Variants in PABPC1L observed in about 807,000 individuals in gnomAD.
PABPC1L encodes the protein polyadenylate-binding protein 1-like.
A neutral mutation model predicts 66.6 loss-of-function variants in PABPC1L; 31 were observed. The ratio of observed to expected loss-of-function variants is 0.47; its 90% CI spans 0.35 to 0.63. The LOEUF (loss-of-function observed/expected upper bound fraction) is 0.63, where lower values mean the gene tolerates loss of function less well. PABPC1L is among the 20% of genes least tolerant of loss of function. The pLI, the probability that PABPC1L is intolerant of heterozygous loss-of-function variation, is 0.00. For missense variants in PABPC1L, 722 were observed against 848.8 expected, an observed-to-expected ratio of 0.85 and a Z score of 1.86; for synonymous variants, 348 against 335.1, an observed-to-expected ratio of 1.04 and a Z score of -0.42.
intron 2 of PABPC1L, among the ~76,000 whole-genome samples, chr20:44,915,518 C>CG (rs2066732170): frequency 6.6e-6 from 1 of 152,050 alleles, no homozygotes; most frequent in Non-Finnish European, 1.5e-5. Context: ...AAAATTGAGG[C>CG]GGGGTGCAGT....
chr20:44,936,990 C>A, intron 12 of PABPC1L: 1 of 588,998 alleles, frequency 1.7e-6, no homozygotes, highest in South Asian at 1.5e-5. Flanking sequence ...GGGAGACAGT[C>A]CAGATGTGGG....
chr20:44,915,314 G>A (rs970218448), intron 2 of PABPC1L, among the ~76,000 whole-genome samples: 27 of 152,204 alleles, frequency 1.8e-4, no homozygotes, highest in African/African-American at 6.3e-4. Context: ...CACTAGCTGA[G>A]CTGAGCCTGT....
intron 5 of PABPC1L, among the ~76,000 whole-genome samples, chr20:44,921,055 CA>C (rs1241840999): frequency 1.3e-5 from 2 of 151,950 alleles, no homozygotes; most frequent in Non-Finnish European, 2.9e-5. Context: ...TCAAGTGATC[CA>C]ACCGCCTTGG....
chr20:44,910,434 T>C lies in PABPC1L; in HGVS notation c.193+98T>C, dbSNP rs1329624103. The C allele has an allele frequency of 3.0e-6, 4 of 1,318,514 alleles. No individual in the cohort carries two copies. The East Asian group carries it at 1.1e-4, about 36-fold the overall frequency. 81.7% of individuals were successfully genotyped at this position (1,318,514 alleles called of 1,614,324 possible). ...GGCCGCTTGCGCTTTCATCTTACAC[T>C]TTGCAGCCGGGGAAACTGAGGCTCA... On this transcript the variant is annotated intron_variant, in intron 1 of 14. Transcript: ENST00000217073.
rs1430977020 is a variant in PABPC1L, at chr20:44,916,747, G to A, written c.388-9G>A. The A allele has an allele frequency of 4.3e-6, 7 of 1,613,920 alleles. No individual in the cohort carries two copies. The Admixed American group carries it at 8.3e-5, about 19-fold the overall frequency. ...AGTACTCTTCCTGTCCTTCCTCCCT[G>A]TGGCCCAGGTGGCGTGTGACGAGCA... On this transcript the variant is annotated splice_polypyrimidine_tract_variant and intron_variant, in intron 2 of 14. Transcript: ENST00000217073.
chr20:44,939,101 C>A, intron 14 of PABPC1L, 25 bp from the exon 15 acceptor site: 1 of 717,694 alleles, frequency 1.4e-6, no homozygotes, highest in Non-Finnish European at 2.6e-6. Flanking sequence ...TTTAAAAACA[C>A]TTATTTTTAC....
chr20:44,937,095 C>T lies in PABPC1L; in HGVS notation c.1660+365C>T, dbSNP rs1601128463. ...GGGGGTTAAAGTTCCTCACACCTCT[C>T]CTGAACGGGAGGAAGCTGCTGTTCA... On this transcript the variant is annotated intron_variant, in intron 12 of 14. Coordinates refer to ENST00000217073, the MANE Select transcript of PABPC1L (RefSeq NM_001372179.1). The T allele has an allele frequency of 6.9e-6, 3 of 434,204 alleles. No individual in the cohort carries two copies. In the East Asian group the frequency reaches 2.0e-4, roughly 29 times the overall value. 26.9% of individuals were successfully genotyped at this position (434,204 alleles called of 1,614,324 possible). A position where few individuals can be genotyped will look rare whatever the true frequency, so the allele number is the denominator to read the frequency against.
intron 14 of PABPC1L, among the ~76,000 whole-genome samples, 153 bp downstream of exon 14, chr20:44,938,901 G>A (rs1025655824): frequency 1.3e-5 from 2 of 152,250 alleles, no homozygotes; most frequent in African/African-American, 4.8e-5. Context: ...AATCAGAGGA[G>A]ATGATTAACT....
In PABPC1L at chr20:44,933,158, C is replaced by T. The variant is rs749576160; in HGVS notation, c.1432C>T (p.Arg478Cys). Residue 478 changes from arginine to cysteine, a missense_variant, in exon 10 of 15, where the codon CGC (arginine) becomes TGC (cysteine). Physicochemically the swap from Arg to Cys is radical, Grantham distance 180. Coordinates refer to ENST00000217073, the MANE Select transcript of PABPC1L (RefSeq NM_001372179.1). ...CAGGCAGGCCTCCACCCAGGTGCCA[C>T]GCACGGTGCCTCATACCCAGAGAGT... Reference protein sequence around the residue: ...SVRQASTQVPRTVPHTQRVAN... With the variant: ...SVRQASTQVPCTVPHTQRVAN... The T allele has an allele frequency of 3.9e-5, 63 of 1,608,608 alleles. No homozygotes were observed. The highest frequency in any genetic ancestry group is 1.8e-4 in the East Asian group (8 of 44,732).
Position 44,910,092 on chromosome 20 carries a change from T to C in PABPC1L, c.-52T>C, listed in dbSNP as rs2072727. The C allele has an allele frequency of 0.56, 823,000 of 1,470,134 alleles. 233,653 individuals carry two copies. The highest frequency in any genetic ancestry group is 0.72 in the African/African-American group (49,711 of 69,324). The allele number at this position is 1,470,134 out of a possible 1,614,324, so 91.1% of individuals were successfully genotyped here. On this transcript the variant is annotated 5_prime_UTR_variant, in exon 1 of 15. Transcript: ENST00000217073. ...GCTTCCGCCCGGGTGAGCGCGGGGC[T>C]GCTGGGTGACCCGGCTCCTGCTTGC...
Position 44,938,042 on chromosome 20 carries a change from TAGA to T in PABPC1L, c.1661-16_1661-14del, listed in dbSNP as rs2066914903. 6.2e-7 allele frequency: 1 copy of T among 1,613,888 alleles called. No homozygotes were observed. Among genetic ancestry groups the T allele is most frequent in the Admixed American group, 1.7e-5 (1 of 59,978 alleles). ...GTGAGCTAGGCCGTGCACAAGCCAT[TAGA>T]AGGTGTTCCACACAGGGGAGCGTCT... is the stretch of plus-strand genomic sequence containing the variant. On this transcript the variant is annotated splice_polypyrimidine_tract_variant and intron_variant, in intron 12 of 14. Transcript: ENST00000217073.
intron 6 of PABPC1L, among the ~76,000 whole-genome samples, chr20:44,923,339 G>A (rs376060024): frequency 1.8e-4 from 28 of 152,224 alleles, no homozygotes; most frequent in African/African-American, 6.3e-4. Flanking sequence ...AAATCAAAAC[G>A]TGGCCTGTCG....
At chr20:44,910,448 A>G in intron 1 of PABPC1L, 112 bp downstream of exon 1, 1 of 1,228,756 alleles carries the variant, frequency 8.1e-7, no homozygotes, top group Non-Finnish European at 1.1e-6. Context: ...CAGCCGGGGA[A>G]ACTGAGGCTC....
intron 3 of PABPC1L, among the ~76,000 whole-genome samples, chr20:44,917,577 C>T (rs149099591): frequency 1.3e-5 from 2 of 152,222 alleles, no homozygotes; most frequent in African/African-American, 4.8e-5. Context: ...AGCCTGCCCT[C>T]ATCATACTGT....
At position 44,933,162 on chromosome 20, in the gene PABPC1L, C is replaced by T. The variant is rs201624445; in HGVS notation, c.1436C>T (p.Thr479Met). The stretch of plus-strand genomic sequence containing the variant: ...CAGGCCTCCACCCAGGTGCCACGCA[C>T]GGTGCCTCATACCCAGAGAGTAGGT... ...VRQASTQVPR[T>M]VPHTQRVANI... Residue 479 changes from threonine (T) to methionine (M), a missense_variant, in exon 10 of 15, where the codon ACG becomes ATG. Thr to Met is a moderately conservative substitution (Grantham distance 81, BLOSUM62 -1). This residue lies in a region of PABPC1L where 301 missense variants were observed against 337.2 expected (regional missense o/e 0.89). Transcript: ENST00000217073. 1.9e-4 allele frequency: 303 copies of T among 1,608,214 alleles called. No individual in the cohort carries two copies. Among genetic ancestry groups the T allele is most frequent in the East Asian group, 4.7e-4 (21 of 44,722 alleles).
At chr20:44,925,575 G>A (rs2066804001) in intron 7 of PABPC1L, among the ~76,000 whole-genome samples, 2 of 152,160 alleles carry the variant, frequency 1.3e-5, no homozygotes, top group Non-Finnish European at 2.9e-5. Flanking sequence ...ACAGGATGGG[G>A]GGACCCGCCT....
rs1350737913 is a variant in PABPC1L at position 44,910,392 on chromosome 20, G to A, written c.193+56G>A. On this transcript the variant is annotated intron_variant, in intron 1 of 14. Transcript: ENST00000217073. ...GGACCGACGGACAAGCAGGCGGACA[G>A]ACAGAAGCCGGAACTGGGCCGCTTG... 3 of 1,436,596 alleles carry A rather than the reference G, an allele frequency of 2.1e-6. No individual in the cohort carries two copies. The African/African-American group carries it at 4.4e-5, about 21-fold the overall frequency. The allele number at this position is 1,436,596 out of a possible 1,614,324, so 89.0% of individuals were successfully genotyped here.
chr20:44,919,501 G>T (rs542012407), intron 5 of PABPC1L, among the ~76,000 whole-genome samples: 1 of 152,332 alleles, frequency 6.6e-6, no homozygotes, highest in South Asian at 2.1e-4. Flanking sequence ...TGAATATTTA[G>T]GTAGGGATGC....
At position 44,939,241 on chromosome 20, in the gene PABPC1L, T is replaced by C; in HGVS notation, c.*122T>C. 1.4e-6 allele frequency: 1 copy of C among 717,462 alleles called. No individual in the cohort carries two copies. The allele number at this position is 717,462 out of a possible 1,614,324, so 44.4% of individuals were successfully genotyped here. A position where few individuals can be genotyped will look rare whatever the true frequency, so the allele number is the denominator to read the frequency against. ...TTAGTCTGTATCTATACTTGGGCTC[T>C]GTATGTGAATGAAGGTTGGTCACCC... On this transcript the variant is annotated 3_prime_UTR_variant, in exon 15 of 15. Transcript: ENST00000217073.
Sources: allele counts gnomAD v4.1 joint callset (sites outside exome capture counted in the v4.1 genomes callset), GRCh38; gene constraint gnomAD v4.1.1; regional missense constraint gnomAD v4.1.1; transcripts MANE v1.5; gene names NCBI Gene and HGNC (gene_info 2026-07-23, HGNC 2026-07-21).